TRAM2: variants seen among roughly 807,000 people sequenced by gnomAD.
TRAM2 encodes translocation associated membrane protein 2, also known as translocating chain-associated membrane protein 2.
In TRAM2, 12 loss-of-function variants were observed where a neutral mutation model predicts 51.0. The ratio of observed to expected loss-of-function variants is 0.24; its 90% CI spans 0.15 to 0.38. The LOEUF (loss-of-function observed/expected upper bound fraction) is 0.38. Among genes scored for constraint, TRAM2 ranks in the 10% least tolerant of loss-of-function variants. The pLI, the probability that TRAM2 is intolerant of heterozygous loss-of-function variation, is 1.00. For missense variants in TRAM2, 361 were observed against 462.0 expected (o/e 0.78, Z 2.00); for synonymous variants, 175 against 179.4 (o/e 0.98, Z 0.20).
rs116248096 is a variant in TRAM2 at position 52,566,294 on chromosome 6, T to C, written c.120+10502A>G. 4.2e-3 allele frequency among the ~76,000 whole-genome samples: 646 copies of C among 152,206 alleles called. 7 individuals are homozygous for C. Among genetic ancestry groups the C allele is most frequent in the African/African-American group, 0.015 (626 of 41,540 alleles). On this transcript the variant is annotated intron_variant, in intron 1 of 10. Transcript: ENST00000182527. ...TGTCCTGCTGCTTGCCTGTGTCACATGAAACATATGAGAAAGAGAGCTGAG... is the reference window on the plus strand; with the variant it reads ...TGTCCTGCTGCTTGCCTGTGTCACACGAAACATATGAGAAAGAGAGCTGAG...
At chr6:52,551,265 T>A (rs1010256799) in intron 1 of TRAM2, among the ~76,000 whole-genome samples, 1 of 152,254 alleles carries the variant, frequency 6.6e-6, no homozygotes, top group South Asian at 2.1e-4. Context: ...CCGTTATGAA[T>A]GGGGACTGGC....
chr6:52,515,971 G>C, intron 4 of TRAM2, 35 bp downstream of exon 4: 1 of 1,591,694 alleles, frequency 6.3e-7, no homozygotes, highest in Non-Finnish European at 8.6e-7. Context: ...CTTGGTTTGA[G>C]CTCTCCCGCT....
At chr6:52,561,552 C>G (rs1371736715) in intron 1 of TRAM2, among the ~76,000 whole-genome samples, 2 of 148,630 alleles carry the variant, frequency 1.3e-5, no homozygotes, top group Non-Finnish European at 3.0e-5. Context: ...GTGGCGGAAT[C>G]TGGGCTCACT....
chr6:52,542,797 TA>T (rs1767127522), intron 1 of TRAM2, among the ~76,000 whole-genome samples: 3 of 152,236 alleles, frequency 2.0e-5, no homozygotes, highest in Non-Finnish European at 2.9e-5. Flanking sequence ...GTCATTGATT[TA>T]AAAGTCTAAA....
rs1176194695 is a variant in TRAM2, at chr6:52,576,820, G to A, written c.96C>T (p.Cys32=). The change falls in exon 1 of 11, where the codon TGC becomes TGT. Residue 32 remains cysteine (C), a synonymous_variant. Transcript: ENST00000182527. ...CCTCGAACATAAGCCCGATGAGGAC[G>A]CAGAGCACCAGGCAGAAGCCGATGT... ...HADIGFCLVL[C]VLIGLMFEVT... The A allele has an allele frequency of 6.2e-7, 1 of 1,613,616 alleles. No homozygotes were observed. Among genetic ancestry groups the A allele is most frequent in the African/African-American group, 1.3e-5 (1 of 75,048 alleles).
Position 52,507,603 on chromosome 6 carries a change from G to C in TRAM2, c.576C>G (p.Leu192=), listed in dbSNP as rs374764442. The change falls in exon 7 of 11, where the codon CTC becomes CTG. Residue 192 remains leucine, a synonymous_variant. Coordinates refer to ENST00000182527, the MANE Select transcript of TRAM2 (RefSeq NM_012288.4). ...GCACCAGGTACAGGCAAATATACTG[G>C]AGCTGGCGGGGAATTTCCTCCTGGA... The part of the protein sequence containing the change: ...KVRKEEIPRQ[L]QYICLYLVHI... 3.7e-6 allele frequency: 6 copies of C among 1,614,056 alleles called. No individual in the cohort carries two copies. In the African/African-American group the frequency reaches 8.0e-5, roughly 22 times the overall value.
chr6:52,508,860 C>G (rs896305081), intron 5 of TRAM2, among the ~76,000 whole-genome samples: 2 of 152,060 alleles, frequency 1.3e-5, no homozygotes, highest in African/African-American at 4.8e-5. Flanking sequence ...ATGGTGAAAT[C>G]CCATCTCTAC....
At chr6:52,548,819 A>G (rs1767256151) in intron 1 of TRAM2, among the ~76,000 whole-genome samples, 1 of 152,238 alleles carries the variant, frequency 6.6e-6, no homozygotes, top group Non-Finnish European at 1.5e-5. Flanking sequence ...GGCAAGTGGA[A>G]GCTCCTTTGC....
At chr6:52,541,993 C>T (rs1383570635) in intron 1 of TRAM2, among the ~76,000 whole-genome samples, 1 of 152,012 alleles carries the variant, frequency 6.6e-6, no homozygotes, top group African/African-American at 2.4e-5. Flanking sequence ...CACATATGTC[C>T]CACGACTGAC....
intron 4 of TRAM2, 175 bp downstream of exon 4, chr6:52,515,831 A>C: frequency 1.6e-6 from 1 of 634,812 alleles, no homozygotes; most frequent in South Asian, 1.9e-5. Flanking sequence ...TACCATGAGG[A>C]TGCAAACATA....
chr6:52,571,784 C>T (rs1284591299), intron 1 of TRAM2, among the ~76,000 whole-genome samples: 2 of 152,216 alleles, frequency 1.3e-5, no homozygotes, highest in Non-Finnish European at 2.9e-5. Flanking sequence ...AAATGAAATA[C>T]AGCCAAGATG....
chr6:52,565,844 C>A (rs1372085489), intron 1 of TRAM2, among the ~76,000 whole-genome samples: 2 of 152,222 alleles, frequency 1.3e-5, no homozygotes, highest in African/African-American at 4.8e-5. Context: ...CCACGTCCCT[C>A]CCAACCTCCA....
intron 1 of TRAM2, among the ~76,000 whole-genome samples, chr6:52,538,397 G>A (rs1581884822): frequency 6.6e-6 from 1 of 152,108 alleles, no homozygotes; most frequent in Non-Finnish European, 1.5e-5. Context: ...GGGTCACTAC[G>A]GGGGATGGGA....
intron 2 of TRAM2, among the ~76,000 whole-genome samples, chr6:52,528,231 G>A (rs1766819156): frequency 6.6e-6 from 1 of 152,052 alleles, no homozygotes. Context: ...AATTCTCTGA[G>A]CCTCAGTTTC....
At chr6:52,562,638 C>T (rs924301600) in intron 1 of TRAM2, among the ~76,000 whole-genome samples, 9 of 152,102 alleles carry the variant, frequency 5.9e-5, no homozygotes, top group South Asian at 2.1e-4. Context: ...TGTACACATG[C>T]CATGGTGGTT....
Position 52,560,990 on chromosome 6 carries a change from G to A in TRAM2, c.120+15806C>T, listed in dbSNP as rs142930639. On this transcript the variant is annotated intron_variant, in intron 1 of 10. Transcript: ENST00000182527. ...TTCATAATCGCCAAAAGAGACAAACGTCCATCAACTGATGAATGCATAAAC... is the reference window on the plus strand; with the variant it reads ...TTCATAATCGCCAAAAGAGACAAACATCCATCAACTGATGAATGCATAAAC... Among the ~76,000 whole-genome samples, 822 of 152,216 alleles carry A rather than the reference G, an allele frequency of 5.4e-3. 12 individuals carry two copies. The highest frequency in any genetic ancestry group is 0.019 in the African/African-American group (770 of 41,524).
intron 1 of TRAM2, among the ~76,000 whole-genome samples, chr6:52,539,096 T>A (rs1454876446): frequency 1.3e-5 from 2 of 152,180 alleles, no homozygotes; most frequent in Non-Finnish European, 2.9e-5. Flanking sequence ...ATATGCTATC[T>A]CCATGAGGCA....
intron 2 of TRAM2, among the ~76,000 whole-genome samples, chr6:52,520,260 G>GT (rs1235247335): frequency 5.9e-5 from 9 of 152,218 alleles, no homozygotes; most frequent in Non-Finnish European, 1.3e-4. Context: ...GGGAGATCAG[G>GT]AAGCACCCCT....
intron 4 of TRAM2, among the ~76,000 whole-genome samples, chr6:52,515,477 A>G (rs1168095512): frequency 6.6e-6 from 1 of 152,236 alleles, no homozygotes; most frequent in East Asian, 1.9e-4. Context: ...GAGCTGACAG[A>G]GTGAGGCTGG....
Sources: gnomAD v4.1 joint callset for allele counts (sites outside exome capture counted in the v4.1 genomes callset) on GRCh38, gnomAD v4.1.1 for gene constraint, MANE v1.5 for transcripts, NCBI Gene and HGNC (gene_info 2026-07-23, HGNC 2026-07-21) for gene names.